The following OR14I1 variants were observed in gnomAD, a reference collection of about 807,000 sequenced individuals.
OR14I1 encodes olfactory receptor family 14 subfamily I member 1, also known as olfactory receptor 14I1.
For synonymous variants in OR14I1, 118 were observed against 71.1 expected (o/e 1.66, Z -3.32); for missense variants, 279 against 181.8 (o/e 1.53, Z -3.07).
the OR14I1 span, among the ~76,000 whole-genome samples, chr1:248,694,918 A>G: frequency 6.6e-6 from 1 of 152,214 alleles, no homozygotes; most frequent in East Asian, 1.9e-4. Flanking sequence ...TGTCCAGTAC[A>G]GTGGCCACTA....
the OR14I1 span, among the ~76,000 whole-genome samples, chr1:248,697,708 A>G: frequency 1.3e-5 from 2 of 152,010 alleles, no homozygotes; most frequent in African/African-American, 2.4e-5. Flanking sequence ...ACTTGAACCC[A>G]GGAGGCGGAG....
chr1:248,679,671 T>G (rs139259763), downstream of OR14I1, among the ~76,000 whole-genome samples: 179 of 152,230 alleles, frequency 1.2e-3, 1 homozygote, highest in African/African-American at 4.1e-3. Context: ...CAGGTGTCAT[T>G]TGAGCCTTAT....
upstream of OR14I1, among the ~76,000 whole-genome samples, chr1:248,684,616 A>G (rs1661612960): frequency 6.6e-6 from 1 of 152,206 alleles, no homozygotes; most frequent in South Asian, 2.1e-4. Context: ...GTTAAACTGA[A>G]TGGGATACTC....
the OR14I1 span, among the ~76,000 whole-genome samples, chr1:248,698,242 A>G: frequency 3.9e-5 from 6 of 152,242 alleles, no homozygotes; most frequent in Non-Finnish European, 7.3e-5. Context: ...TAAAATAGCA[A>G]TCACTCGATT....
At chr1:248,698,601 GA>G in the OR14I1 span, among the ~76,000 whole-genome samples, 2 of 152,184 alleles carry the variant, frequency 1.3e-5, no homozygotes, top group Admixed American at 6.5e-5. Flanking sequence ...ATGTAAGTTG[GA>G]AAAAAGTTCA....
At chr1:248,691,805 T>C in the OR14I1 span, 1 of 152,448 alleles carries the variant, frequency 6.6e-6, no homozygotes, top group African/African-American at 2.4e-5. Context: ...AGGTACGGGT[T>C]CACCAAGCCA....
the OR14I1 span, among the ~76,000 whole-genome samples, chr1:248,699,336 A>G: frequency 6.6e-6 from 1 of 152,240 alleles, no homozygotes; most frequent in Non-Finnish European, 1.5e-5. Flanking sequence ...ATAAAAGAGC[A>G]GAAGCACTCT....
chr1:248,681,269 C>T, downstream of OR14I1: 8 of 537,620 alleles, frequency 1.5e-5, no homozygotes, highest in South Asian at 3.0e-5. Flanking sequence ...CAGGATTTTT[C>T]ATCATTTCAT....
upstream of OR14I1, among the ~76,000 whole-genome samples, chr1:248,686,476 C>A (rs1407925450): frequency 3.3e-5 from 5 of 152,154 alleles, no homozygotes; most frequent in Admixed American, 3.3e-4. Flanking sequence ...AACCAATACA[C>A]ACTGCACCAT....
chr1:248,689,295 T>C, the OR14I1 span, among the ~76,000 whole-genome samples: 1 of 152,204 alleles, frequency 6.6e-6, no homozygotes, highest in African/African-American at 2.4e-5. Flanking sequence ...ATGGTTCTTA[T>C]ACATAAAATA....
At chr1:248,682,189 C>T in exon 1 of OR14I1, 1 of 780,960 alleles carries the variant, frequency 1.3e-6, no homozygotes, top group Non-Finnish European at 2.4e-6. Context: ...GAGCAGGTTC[C>T]CCACCAGCAC....
At chr1:248,683,337 A>T (rs1042717193), upstream of OR14I1, among the ~76,000 whole-genome samples, 2 of 152,232 alleles carry the variant, frequency 1.3e-5, no homozygotes, top group African/African-American at 4.8e-5. Flanking sequence ...GTTTTTCTGC[A>T]TCAAAGTCAT....
At chr1:248,687,116 T>C (rs958751256), upstream of OR14I1, among the ~76,000 whole-genome samples, 1 of 152,072 alleles carries the variant, frequency 6.6e-6, no homozygotes, top group African/African-American at 2.4e-5. Context: ...TCAGAGTCCG[T>C]GAGGAAGTGA....
At chr1:248,688,939 T>C in the OR14I1 span, among the ~76,000 whole-genome samples, 1 of 152,342 alleles carries the variant, frequency 6.6e-6, no homozygotes, top group East Asian at 1.9e-4. Context: ...GGGGGATTGG[T>C]TGATTATTGC....
At chr1:248,695,861 A>G in the OR14I1 span, among the ~76,000 whole-genome samples, 1 of 152,098 alleles carries the variant, frequency 6.6e-6, no homozygotes, top group Non-Finnish European at 1.5e-5. Flanking sequence ...ACTTACACAA[A>G]TGTGTCCTCA....
downstream of OR14I1, among the ~76,000 whole-genome samples, chr1:248,680,970 G>A (rs371495159): frequency 2.1e-4 from 26 of 122,622 alleles, no homozygotes; most frequent in East Asian, 6.6e-4. Flanking sequence ...CTGTGTGCGT[G>A]TGTGTGTGTG....
exon 1 of OR14I1, chr1:248,682,197 C>T (rs759832591): frequency 6.4e-6 from 5 of 780,862 alleles, no homozygotes; most frequent in Non-Finnish European, 9.6e-6. Flanking sequence ...TCCCCACCAG[C>T]ACTGCCAGAT....
the OR14I1 span, among the ~76,000 whole-genome samples, chr1:248,689,282 T>A: frequency 2.4e-4 from 37 of 152,128 alleles, no homozygotes; most frequent in African/African-American, 8.5e-4. Flanking sequence ...ATGTTCTGGG[T>A]CCATGGTTCT....
chr1:248,694,059 C>A, the OR14I1 span, among the ~76,000 whole-genome samples: 1 of 152,140 alleles, frequency 6.6e-6, no homozygotes, highest in African/African-American at 2.4e-5. Flanking sequence ...GGGCCCCAGC[C>A]AGGCACTGGA....
Sources: allele counts gnomAD v4.1 joint callset (sites outside exome capture counted in the v4.1 genomes callset), GRCh38; gene constraint gnomAD v4.1.1; transcripts MANE v1.5; gene names NCBI Gene and HGNC (gene_info 2026-07-23, HGNC 2026-07-21).